The following CHRM2 variants were observed in gnomAD, a reference collection of about 807,000 sequenced individuals.
CHRM2 encodes the protein cholinergic receptor muscarinic 2, also known as muscarinic acetylcholine receptor M2.
A neutral mutation model predicts 25.0 loss-of-function variants in CHRM2; 8 were observed. That is an observed-to-expected ratio of 0.32 (90% confidence interval 0.19 to 0.58). CHRM2 has a LOEUF of 0.58. Among genes scored for constraint, CHRM2 ranks in the 20% least tolerant of loss-of-function variants. The pLI, the probability that CHRM2 is intolerant of heterozygous loss-of-function variation, is 0.88. For missense variants in CHRM2, 440 were observed against 567.1 expected (o/e 0.78, Z 2.28); for synonymous variants, 202 against 205.7 (o/e 0.98, Z 0.15).
chr7:136,890,087 T>C (rs1245265318), intron 2 of CHRM2, among the ~76,000 whole-genome samples: 1 of 152,232 alleles, frequency 6.6e-6, no homozygotes, highest in African/African-American at 2.4e-5. Context: ...CCTGGGATCC[T>C]ATGTCAAGGT....
intron 2 of CHRM2, among the ~76,000 whole-genome samples, chr7:136,886,309 A>G (rs1294788137): frequency 6.6e-6 from 1 of 152,208 alleles, no homozygotes; most frequent in East Asian, 1.9e-4. Flanking sequence ...CTCCCCATTC[A>G]TAACTTCAAA....
intron 2 of CHRM2, among the ~76,000 whole-genome samples, chr7:136,975,919 G>A (rs923394208): frequency 1.3e-5 from 2 of 152,138 alleles, no homozygotes; most frequent in African/African-American, 4.8e-5. Context: ...ATATTTTCAA[G>A]GAGAATGTAT....
At chr7:136,958,552 G>C (rs529426403) in intron 2 of CHRM2, among the ~76,000 whole-genome samples, 2 of 149,486 alleles carry the variant, frequency 1.3e-5, no homozygotes, top group African/African-American at 4.9e-5. Context: ...ACCTCCCGGG[G>C]CTAAAGCCAT....
intron 2 of CHRM2, among the ~76,000 whole-genome samples, chr7:136,933,104 A>G (rs1459939274): frequency 6.6e-6 from 1 of 152,168 alleles, no homozygotes; most frequent in Non-Finnish European, 1.5e-5. Context: ...ACAAAGTTAA[A>G]AACATTTTTT....
intron 3 of CHRM2, among the ~76,000 whole-genome samples, chr7:137,001,995 T>G (rs1168200671): frequency 6.6e-6 from 1 of 152,118 alleles, no homozygotes; most frequent in Non-Finnish European, 1.5e-5. Context: ...AAAGAATGAA[T>G]ACATATGTAG....
chr7:136,919,797 C>G (rs981529133), intron 2 of CHRM2, among the ~76,000 whole-genome samples: 3 of 152,170 alleles, frequency 2.0e-5, no homozygotes, highest in Non-Finnish European at 4.4e-5. Context: ...CTGCACTAAG[C>G]TTCTTCTGAC....
At chr7:136,938,818 G>A (rs565871834) in intron 2 of CHRM2, among the ~76,000 whole-genome samples, 30 of 150,890 alleles carry the variant, frequency 2.0e-4, no homozygotes, top group Middle Eastern at 3.5e-3. Context: ...CAGCCCACCC[G>A]CAGGGGAGTT....
intron 2 of CHRM2, among the ~76,000 whole-genome samples, chr7:136,983,625 C>T (rs974878642): frequency 2.0e-5 from 3 of 152,090 alleles, no homozygotes; most frequent in African/African-American, 4.8e-5. Flanking sequence ...TTTACGTGGA[C>T]GTACTTTTTG....
intron 3 of CHRM2, among the ~76,000 whole-genome samples, chr7:136,993,118 A>G (rs1477166438): frequency 1.3e-5 from 2 of 152,232 alleles, no homozygotes; most frequent in African/African-American, 2.4e-5. Context: ...ATAGATACTG[A>G]TGAGCTTATA....
intron 2 of CHRM2, among the ~76,000 whole-genome samples, chr7:136,930,916 A>AAAAAAAAAAAAG: frequency 8.0e-6 from 1 of 125,204 alleles, no homozygotes; most frequent in Non-Finnish European, 1.6e-5. Context: ...AAAAAAAAAA[A>AAAAAAAAAAAAG]AAAAAAAAAA....
intron 2 of CHRM2, among the ~76,000 whole-genome samples, chr7:136,916,130 A>G (rs1420660817): frequency 8.3e-6 from 1 of 120,840 alleles, no homozygotes; most frequent in Non-Finnish European, 2.1e-5. Context: ...TAGGGAGAAT[A>G]TTGTTCTAAC....
chr7:136,984,689 G>T (rs554919908), intron 2 of CHRM2, among the ~76,000 whole-genome samples: 5 of 152,164 alleles, frequency 3.3e-5, no homozygotes, highest in African/African-American at 9.6e-5. Context: ...GCTTCCCTTG[G>T]CTAGAGGAAG....
chr7:136,995,420 G>A (rs1803528498), intron 3 of CHRM2, among the ~76,000 whole-genome samples: 1 of 152,104 alleles, frequency 6.6e-6, no homozygotes. Flanking sequence ...TTCTTGATAT[G>A]AATACTCAAC....
chr7:136,902,964 C>T (rs1659398794), intron 2 of CHRM2: 1 of 363,452 alleles, frequency 2.8e-6, no homozygotes, highest in East Asian at 7.9e-5. Context: ...ATCAAACAAA[C>T]AAAGCTTCTC....
At chr7:136,988,114 T>C (rs556444370) in intron 2 of CHRM2, among the ~76,000 whole-genome samples, 1 of 151,216 alleles carries the variant, frequency 6.6e-6, no homozygotes, top group South Asian at 2.1e-4. Context: ...TTTAGATATA[T>C]ATAAAACAAT....
chr7:136,910,425 A>G (rs1177637506), intron 2 of CHRM2, among the ~76,000 whole-genome samples: 1 of 151,890 alleles, frequency 6.6e-6, no homozygotes, highest in Non-Finnish European at 1.5e-5. Context: ...CAGGATTTTG[A>G]ATAATCTTTC....
chr7:136,885,039 C>A (rs1412938000), intron 2 of CHRM2, among the ~76,000 whole-genome samples: 1 of 152,176 alleles, frequency 6.6e-6, no homozygotes, highest in Non-Finnish European at 1.5e-5. Context: ...AGTAATCCAT[C>A]AGAAGACAGA....
At chr7:136,871,281 G>C (rs950165612) in intron 2 of CHRM2, 2 of 152,492 alleles carry the variant, frequency 1.3e-5, no homozygotes, top group Non-Finnish European at 2.9e-5. Flanking sequence ...CGGGCTGTGC[G>C]GAGCCCTGAG....
chr7:136,891,436 G>A (rs1221548409), intron 2 of CHRM2, among the ~76,000 whole-genome samples: 1 of 152,124 alleles, frequency 6.6e-6, no homozygotes, highest in African/African-American at 2.4e-5. Context: ...GGTTAGAATG[G>A]GGTGATGGGG....
Sources: allele counts gnomAD v4.1 joint callset (sites outside exome capture counted in the v4.1 genomes callset), GRCh38; gene constraint gnomAD v4.1.1; transcripts MANE v1.5; gene names NCBI Gene and HGNC (gene_info 2026-07-23, HGNC 2026-07-21).